The following SYT1 variants were observed in gnomAD, a reference collection of about 807,000 sequenced individuals.
The protein encoded by SYT1 is synaptotagmin-1.
A neutral mutation model predicts 44.8 loss-of-function variants in SYT1; 8 were observed. The observed-to-expected ratio is 0.18, with a 90% CI of 0.10 to 0.32. SYT1 has a LOEUF of 0.32. SYT1 is among the 10% of genes least tolerant of loss of function. The pLI is 1.00. For synonymous variants in SYT1, 154 were observed against 188.8 expected, an observed-to-expected ratio of 0.82 and a Z score of 1.51; for missense variants, 286 against 509.3, an observed-to-expected ratio of 0.56 and a Z score of 4.22.
intron 9 of SYT1, among the ~76,000 whole-genome samples, chr12:79,407,008 G>A (rs1885266151): frequency 6.6e-6 from 1 of 152,002 alleles, no homozygotes; most frequent in African/African-American, 2.4e-5. Flanking sequence ...GTTAATTCAT[G>A]GTTCTGAGCC....
At chr12:79,402,445 A>G (rs1885104279) in intron 9 of SYT1, among the ~76,000 whole-genome samples, 2 of 152,122 alleles carry the variant, frequency 1.3e-5, no homozygotes, top group African/African-American at 4.8e-5. Flanking sequence ...TGAAGGCTCT[A>G]ATTTCTGTTC....
At chr12:79,369,105 T>C (rs1883680825) in intron 9 of SYT1, among the ~76,000 whole-genome samples, 1 of 152,232 alleles carries the variant, frequency 6.6e-6, no homozygotes, top group South Asian at 2.1e-4. Context: ...AAGACTGATC[T>C]GAGGTTGAAC....
intron 8 of SYT1, among the ~76,000 whole-genome samples, chr12:79,302,210 T>C (rs1440063230): frequency 6.6e-6 from 1 of 152,176 alleles, no homozygotes; most frequent in African/African-American, 2.4e-5. Flanking sequence ...AGCATTATTT[T>C]TAATGTCATA....
intron 8 of SYT1, among the ~76,000 whole-genome samples, chr12:79,314,743 A>G (rs1419778826): frequency 6.6e-6 from 1 of 152,212 alleles, no homozygotes; most frequent in African/African-American, 2.4e-5. Context: ...AAACTCATGT[A>G]TACACACCAA....
chr12:79,241,780 A>C (rs1876529381), intron 4 of SYT1, among the ~76,000 whole-genome samples: 1 of 152,226 alleles, frequency 6.6e-6, no homozygotes, highest in Non-Finnish European at 1.5e-5. Flanking sequence ...AACCCTTGGT[A>C]CCTATCTGCA....
intron 8 of SYT1, among the ~76,000 whole-genome samples, chr12:79,321,938 A>G (rs1487814775): frequency 6.6e-6 from 1 of 152,154 alleles, no homozygotes; most frequent in Non-Finnish European, 1.5e-5. Flanking sequence ...TTGCCCAGCC[A>G]TTAGTTAGAG....
chr12:79,129,143 C>T (rs1476865793), intron 3 of SYT1, among the ~76,000 whole-genome samples: 1 of 152,090 alleles, frequency 6.6e-6, no homozygotes, highest in African/African-American at 2.4e-5. Flanking sequence ...TTTAAAAATG[C>T]GTGGTTAACC....
At chr12:79,160,780 G>A (rs1359138282) in intron 3 of SYT1, among the ~76,000 whole-genome samples, 1 of 152,038 alleles carries the variant, frequency 6.6e-6, no homozygotes, top group African/African-American at 2.4e-5. Context: ...AGTGAGAATT[G>A]GTGCTGTGGC....
chr12:78,923,791 T>A (rs551793219), intron 1 of SYT1, among the ~76,000 whole-genome samples: 2 of 151,946 alleles, frequency 1.3e-5, no homozygotes, highest in Non-Finnish European at 2.9e-5. Flanking sequence ...TTACTCCTTT[T>A]CTTTTAGGTG....
At position 79,398,188 on chromosome 12, in the gene SYT1, A is replaced by C. The variant is rs538278482; in HGVS notation, c.928+44569A>C. Among the ~76,000 whole-genome samples, 3 of 152,324 alleles carry C rather than the reference A, an allele frequency of 2.0e-5. No individual in the cohort carries two copies. In the South Asian group the frequency reaches 6.2e-4, roughly 32 times the overall value. The stretch of plus-strand genomic sequence containing the variant: ...ATAAGGGTAGGAGGGCTCTTGCTGT[A>C]ACATAGGCTGAGCTCCTCTGAACTA... On this transcript the variant is annotated intron_variant, in intron 9 of 10. Coordinates refer to ENST00000261205, the MANE Select transcript of SYT1 (RefSeq NM_005639.3).
intron 3 of SYT1, among the ~76,000 whole-genome samples, chr12:79,091,872 G>A (rs1251118478): frequency 1.3e-5 from 2 of 151,872 alleles, no homozygotes; most frequent in African/African-American, 4.8e-5. Context: ...TGCAAAATAA[G>A]TTTTAGGCTT....
intron 3 of SYT1, among the ~76,000 whole-genome samples, chr12:79,078,026 G>T (rs1209007740): frequency 6.6e-6 from 1 of 152,038 alleles, no homozygotes; most frequent in African/African-American, 2.4e-5. Context: ...CTACATTTAA[G>T]AATACATTTT....
intron 3 of SYT1, among the ~76,000 whole-genome samples, chr12:79,152,892 A>G (rs1870364544): frequency 6.6e-6 from 1 of 150,760 alleles, no homozygotes; most frequent in South Asian, 2.1e-4. Context: ...AAAAAAAAAA[A>G]GTAAGAGAAA....
At chr12:79,010,823 A>T (rs1283795575) in intron 2 of SYT1, among the ~76,000 whole-genome samples, 1 of 152,148 alleles carries the variant, frequency 6.6e-6, no homozygotes, top group African/African-American at 2.4e-5. Flanking sequence ...TTATGAAGAC[A>T]ATTTTCTTCT....
At chr12:79,214,615 G>A (rs1874666958) in intron 3 of SYT1, among the ~76,000 whole-genome samples, 1 of 152,170 alleles carries the variant, frequency 6.6e-6, no homozygotes. Context: ...ACACACAAAG[G>A]CTAGAAACAA....
intron 8 of SYT1, among the ~76,000 whole-genome samples, chr12:79,343,642 A>G (rs1265885743): frequency 3.3e-5 from 5 of 152,184 alleles, no homozygotes; most frequent in Non-Finnish European, 7.4e-5. Context: ...AAGATCTCAA[A>G]TGTTATTTTG....
At chr12:78,997,378 T>G (rs910888320) in intron 2 of SYT1, among the ~76,000 whole-genome samples, 1 of 152,222 alleles carries the variant, frequency 6.6e-6, no homozygotes, top group Non-Finnish European at 1.5e-5. Flanking sequence ...TAGGGAAACT[T>G]ATGTATCATG....
At chr12:79,030,467 C>T in intron 2 of SYT1, among the ~76,000 whole-genome samples, 1 of 151,128 alleles carries the variant, frequency 6.6e-6, no homozygotes, top group East Asian at 2.0e-4. Flanking sequence ...AGAATGGTCA[C>T]CCTTCAAGGA....
At chr12:79,160,146 A>C (rs1443720422) in intron 3 of SYT1, among the ~76,000 whole-genome samples, 1 of 152,144 alleles carries the variant, frequency 6.6e-6, no homozygotes, top group African/African-American at 2.4e-5. Context: ...GCAGATGGTG[A>C]GGGAGAGACA....
Sources: gnomAD v4.1 joint callset for allele counts (sites outside exome capture counted in the v4.1 genomes callset) on GRCh38, gnomAD v4.1.1 for gene constraint, MANE v1.5 for transcripts, NCBI Gene and HGNC (gene_info 2026-07-23, HGNC 2026-07-21) for gene names.